Variants in DOCK1 observed in about 807,000 individuals in gnomAD.
DOCK1 encodes the protein dedicator of cytokinesis 1, also known as dedicator of cytokinesis protein 1.
Under a neutral mutation model 262.7 loss-of-function variants are expected in DOCK1, and 138 were observed. The ratio of observed to expected loss-of-function variants is 0.53; its 90% CI spans 0.46 to 0.61. The LOEUF (loss-of-function observed/expected upper bound fraction) is 0.61, where lower values mean the gene tolerates loss of function less well. DOCK1 is among the 20% of genes least tolerant of loss of function. DOCK1 has a pLI of 0.00. For synonymous variants in DOCK1, 866 were observed against 867.4 expected, an observed-to-expected ratio of 1.00 and a Z score of 0.03; for missense variants, 1,908 against 2,370.7, an observed-to-expected ratio of 0.80 and a Z score of 4.05.
intron 37 of DOCK1, 149 bp from the exon 38 acceptor site, chr10:127,384,641 T>C: frequency 2.1e-6 from 2 of 974,982 alleles, no homozygotes; most frequent in Non-Finnish European, 2.7e-6. Flanking sequence ...GGACAGAGGC[T>C]CTGCCCTGGC....
chr10:127,362,886 C>CGT (rs2064604018), intron 33 of DOCK1, among the ~76,000 whole-genome samples: 1 of 132,368 alleles, frequency 7.6e-6, no homozygotes, highest in African/African-American at 3.5e-5. Flanking sequence ...TACACATCCC[C>CGT]ACACACACAC....
Position 127,199,456 on chromosome 10 carries a change from G to A in DOCK1, c.2848-48552G>A, listed in dbSNP as rs183990979. On this transcript the variant is annotated intron_variant, in intron 27 of 51. Coordinates refer to ENST00000623213, the MANE Select transcript of DOCK1 (RefSeq NM_001290223.2). ...CAAACGGGAAATAATCCAAATACCA[G>A]TCAACAGTAGATAAAGATTTCTTGG... is the stretch of plus-strand genomic sequence containing the variant. Among the ~76,000 whole-genome samples, 681 of 152,238 alleles carry A rather than the reference G, an allele frequency of 4.5e-3. 6 individuals carry two copies. Among genetic ancestry groups the A allele is most frequent in the African/African-American group, 0.016 (652 of 41,516 alleles).
intron 35 of DOCK1, among the ~76,000 whole-genome samples, chr10:127,376,272 A>T (rs1382123786): frequency 6.6e-6 from 1 of 152,236 alleles, no homozygotes; most frequent in African/African-American, 2.4e-5. Context: ...AAAACACTGT[A>T]ACAGTGTGAA....
chr10:127,086,733 A>G (rs2047221343), intron 23 of DOCK1, among the ~76,000 whole-genome samples: 1 of 152,222 alleles, frequency 6.6e-6, no homozygotes, highest in African/African-American at 2.4e-5. Context: ...TGATGACGAA[A>G]ATGGGTCTTG....
chr10:127,326,047 G>A (rs2062735331), intron 29 of DOCK1, among the ~76,000 whole-genome samples: 1 of 152,150 alleles, frequency 6.6e-6, no homozygotes, highest in Non-Finnish European at 1.5e-5. Flanking sequence ...ATACTTTATT[G>A]TTAAACAATG....
intron 23 of DOCK1, among the ~76,000 whole-genome samples, chr10:127,083,593 G>C (rs1218985941): frequency 6.6e-6 from 1 of 152,136 alleles, no homozygotes; most frequent in African/African-American, 2.4e-5. Flanking sequence ...TCTTTATAAT[G>C]GATGTGATTA....
rs919723982 is a variant in DOCK1 at position 126,937,792 on chromosome 10, G to A, written c.46+32229G>A. ...TGGAAATATTTTATCCCATTCTGTG[G>A]TGTTGCCTTTCTACTCTGTTGATAG... On this transcript the variant is annotated intron_variant, in intron 1 of 51. Coordinates refer to ENST00000623213, the MANE Select transcript of DOCK1 (RefSeq NM_001290223.2). 7.2e-5 allele frequency among the ~76,000 whole-genome samples: 11 copies of A among 152,110 alleles called. No homozygotes were observed. In the South Asian group the frequency reaches 2.3e-3, roughly 32 times the overall value.
At chr10:127,022,256 TGCAGAAAGTTTCTCCCTAGACCCG>T (rs1203916390) in intron 13 of DOCK1, among the ~76,000 whole-genome samples, 2 of 152,156 alleles carry the variant, frequency 1.3e-5, no homozygotes, top group African/African-American at 4.8e-5. Context: ...GGAAGAGCCA[TGCAGAAAGTTTCTCCCTAGACCCG>T]TTTTTCCTCC....
At chr10:127,172,555 C>G (rs933801197) in intron 27 of DOCK1, among the ~76,000 whole-genome samples, 4 of 151,724 alleles carry the variant, frequency 2.6e-5, no homozygotes, top group Admixed American at 6.5e-5. Context: ...AATTAATGAC[C>G]CTGGGGCATT....
At chr10:127,356,342 C>T (rs2064142494) in intron 32 of DOCK1, among the ~76,000 whole-genome samples, 1 of 152,230 alleles carries the variant, frequency 6.6e-6, no homozygotes, top group South Asian at 2.1e-4. Context: ...CTCAGTCTTT[C>T]TGGGCCGTTA....
At chr10:127,435,102 C>A (rs1024822767) in intron 48 of DOCK1, among the ~76,000 whole-genome samples, 1 of 152,292 alleles carries the variant, frequency 6.6e-6, no homozygotes, top group African/African-American at 2.4e-5. Context: ...GGCATTAGCT[C>A]AGGTTATTGC....
intron 29 of DOCK1, among the ~76,000 whole-genome samples, chr10:127,296,341 G>T (rs1043712180): frequency 6.6e-6 from 1 of 152,206 alleles, no homozygotes; most frequent in African/African-American, 2.4e-5. Flanking sequence ...TAGTGGAGCT[G>T]CACCTGCCCA....
intron 27 of DOCK1, among the ~76,000 whole-genome samples, chr10:127,188,095 C>G (rs2056444314): frequency 6.6e-6 from 1 of 152,070 alleles, no homozygotes. Flanking sequence ...AGGTTGAGCC[C>G]CTTCCATTTT....
intron 29 of DOCK1, among the ~76,000 whole-genome samples, chr10:127,268,152 T>A (rs977114862): frequency 1.1e-4 from 17 of 152,130 alleles, no homozygotes; most frequent in Admixed American, 8.5e-4. Flanking sequence ...TCATCCATAA[T>A]GTCACTAGTG....
chr10:126,941,159 A>G (rs1425563948), intron 1 of DOCK1, among the ~76,000 whole-genome samples: 3 of 152,098 alleles, frequency 2.0e-5, no homozygotes, highest in African/African-American at 7.2e-5. Flanking sequence ...GTGTTACCAG[A>G]GGGCATTTCA....
In DOCK1 at chr10:127,257,424, A is replaced by C; in HGVS notation, c.3039A>C (p.Gln1013His). 1 of 1,601,556 alleles carries C rather than the reference A, an allele frequency of 6.2e-7. No individual in the cohort carries two copies. The highest frequency in any genetic ancestry group is 8.5e-7 in the Non-Finnish European group (1 of 1,173,268). The change falls in exon 29 of 52, where the codon CAA becomes CAC. Residue 1013 changes from glutamine (Q) to histidine (H), a missense_variant. Gln to His is a conservative substitution (Grantham distance 24). Transcript: ENST00000623213. The stretch of plus-strand genomic sequence containing the variant: ...ACTGGGTGATCATGAACATGGTGCA[A>C]AATAAGTAAGTGTGGGGAAAACGGC... ...PFDWVIMNMV[Q>H]NKVFLRAINQ...
intron 1 of DOCK1, among the ~76,000 whole-genome samples, chr10:126,917,839 C>T (rs75630344): frequency 0.011 from 1,734 of 152,122 alleles, 35 homozygotes; most frequent in African/African-American, 0.038. Flanking sequence ...AGGTCAGGGT[C>T]GAGGACATTA....
chr10:127,298,800 T>TCAAAATG (rs1210115172), intron 29 of DOCK1, among the ~76,000 whole-genome samples: 32 of 152,198 alleles, frequency 2.1e-4, no homozygotes, highest in Admixed American at 2.1e-3. Context: ...GGTACCTTTG[T>TCAAAATG]CAGAGCTTTT....
chr10:127,329,113 C>T (rs997441254), intron 29 of DOCK1, among the ~76,000 whole-genome samples: 1 of 152,076 alleles, frequency 6.6e-6, no homozygotes, highest in South Asian at 2.1e-4. Context: ...CAAGCAGAAA[C>T]TCTCAACTCC....
Sources: allele counts gnomAD v4.1 joint callset (sites outside exome capture counted in the v4.1 genomes callset), GRCh38; gene constraint gnomAD v4.1.1; transcripts MANE v1.5; gene names NCBI Gene and HGNC (gene_info 2026-07-23, HGNC 2026-07-21).